Variants in NOL4L observed in about 807,000 individuals in gnomAD.
NOL4L encodes nucleolar protein 4 like.
Under a neutral mutation model 64.5 loss-of-function variants are expected in NOL4L, and 7 were observed. The observed-to-expected ratio is 0.11, with a 90% CI of 0.06 to 0.20. The LOEUF (loss-of-function observed/expected upper bound fraction) is 0.20. NOL4L is among the 10% of genes least tolerant of loss of function. NOL4L has a pLI of 1.00. For missense variants in NOL4L, 680 were observed against 967.1 expected (o/e 0.70, Z 3.94); for synonymous variants, 413 against 401.0 (o/e 1.03, Z -0.36).
Position 32,501,313 on chromosome 20 carries a change from A to G in NOL4L, c.699+10034T>C, listed in dbSNP as rs538400017. Among the ~76,000 whole-genome samples the G allele has an allele frequency of 1.1e-4, 16 of 152,348 alleles. No individual in the cohort carries two copies. The East Asian group carries it at 2.7e-3, about 26-fold the overall frequency. On this transcript the variant is annotated intron_variant, in intron 4 of 10. Coordinates refer to ENST00000621426, the MANE Select transcript of NOL4L (RefSeq NM_001256798.2). ...AAATCCTACAAAATACACAACTAGTACTCTTCGAAACTGTCAAGGTTATCA... is the reference window on the plus strand; with the variant it reads ...AAATCCTACAAAATACACAACTAGTGCTCTTCGAAACTGTCAAGGTTATCA...
chr20:32,578,145 AGGGAG>A (rs1980241491), intron 1 of NOL4L, among the ~76,000 whole-genome samples: 4 of 45,228 alleles, frequency 8.8e-5, no homozygotes, highest in African/African-American at 4.3e-4. Flanking sequence ...GGAAGGAGGG[AGGGAG>A]GGAGGGAGGG....
intron 1 of NOL4L, among the ~76,000 whole-genome samples, chr20:32,546,252 T>C (rs1267603734): frequency 2.6e-5 from 4 of 151,876 alleles, no homozygotes; most frequent in South Asian, 2.1e-4. Context: ...AGCTTTTTTT[T>C]CCTTTTTTTG....
chr20:32,505,266 A>C (rs1028943438), intron 4 of NOL4L, among the ~76,000 whole-genome samples: 2 of 152,224 alleles, frequency 1.3e-5, no homozygotes, highest in Non-Finnish European at 2.9e-5. Context: ...AGGGTTCATA[A>C]GAAAGAGAAA....
chr20:32,543,496 G>A (rs1188183059), intron 1 of NOL4L, among the ~76,000 whole-genome samples: 1 of 152,144 alleles, frequency 6.6e-6, no homozygotes, highest in South Asian at 2.1e-4. Context: ...GTGGGCACCT[G>A]TAATCTCAGC....
chr20:32,558,712 T>C (rs765804503), intron 1 of NOL4L, among the ~76,000 whole-genome samples: 77 of 152,186 alleles, frequency 5.1e-4, no homozygotes, highest in Non-Finnish European at 9.8e-4. Context: ...GGGTCAGCGG[T>C]GCTGGGCCTG....
intron 5 of NOL4L, among the ~76,000 whole-genome samples, chr20:32,461,067 T>C (rs1336335686): frequency 1.3e-5 from 2 of 152,194 alleles, no homozygotes; most frequent in African/African-American, 4.8e-5. Flanking sequence ...TGAAGCCTCA[T>C]GAACCAACAG....
At chr20:32,454,006 TGCAGAGACCTGGTTCCCGGGGCTGCTGA>T (rs2013213441) in intron 6 of NOL4L, 1 of 524,696 alleles carries the variant, frequency 1.9e-6, no homozygotes, top group Non-Finnish European at 3.4e-6. Context: ...CAATAGTGTA[TGCAGAGACCTGGTTCCCGGGGCTGCTGA>T]GCGCTTAGGA....
At position 32,463,477 on chromosome 20, in the gene NOL4L, C is replaced by T. The variant is rs2014271891; in HGVS notation, c.842-7082G>A. ...CGGGATGCACCCCCTCTCAGCATTT[C>T]CACAAAACCAGGCCCTCCCCACTGT... On this transcript the variant is annotated intron_variant, in intron 5 of 10. Transcript: ENST00000621426. This position sits in a 1 kb window ranked among gnomAD's most constrained non-coding sequence, Gnocchi z 5.8. 6.6e-6 allele frequency among the ~76,000 whole-genome samples: 1 copy of T among 152,192 alleles called. No homozygotes were observed. The highest frequency in any genetic ancestry group is 2.4e-5 in the African/African-American group (1 of 41,452).
chr20:32,454,148 C>T (rs1411649172), intron 6 of NOL4L: 2 of 200,206 alleles, frequency 1.0e-5, no homozygotes, highest in Admixed American at 5.2e-5. Flanking sequence ...AGCCTCCTCT[C>T]GTGCCAAGAT....
At chr20:32,488,869 TTC>T (rs1428420983) in intron 4 of NOL4L, among the ~76,000 whole-genome samples, 1 of 106,216 alleles carries the variant, frequency 9.4e-6, no homozygotes, top group African/African-American at 5.2e-5. Flanking sequence ...CTTTCTTTCT[TTC>T]TTTCTTTCTT....
chr20:32,513,620 T>C (rs1225655309), intron 3 of NOL4L, among the ~76,000 whole-genome samples: 1 of 152,138 alleles, frequency 6.6e-6, no homozygotes, highest in Non-Finnish European at 1.5e-5. Flanking sequence ...CCCAGCACTT[T>C]GGGAGGCAGA....
At chr20:32,488,750 C>T (rs1477925026) in intron 4 of NOL4L, among the ~76,000 whole-genome samples, 2 of 42,774 alleles carry the variant, frequency 4.7e-5, no homozygotes, top group African/African-American at 3.2e-4. Flanking sequence ...TCTTTCTTTT[C>T]CTTCCTTCCT....
At chr20:32,510,989 G>C (rs1231518734) in intron 4 of NOL4L, among the ~76,000 whole-genome samples, 1 of 152,102 alleles carries the variant, frequency 6.6e-6, no homozygotes, top group Non-Finnish European at 1.5e-5. Flanking sequence ...TTGCCTCCCT[G>C]GGGGAAGGTG....
In NOL4L at chr20:32,473,586, C is replaced by T. The variant is rs531265400; in HGVS notation, c.841+1015G>A. ...GACTGGGTCTCCTCCCAAACAAAGC[C>T]GGATTCAGGCCTTCGGGAGGCAGGC... On this transcript the variant is annotated intron_variant, in intron 5 of 10. Coordinates refer to ENST00000621426, the MANE Select transcript of NOL4L (RefSeq NM_001256798.2). Among the ~76,000 whole-genome samples, 19 of 152,366 alleles carry T rather than the reference C, an allele frequency of 1.2e-4. No homozygotes were observed. The South Asian group carries it at 3.3e-3, about 27-fold the overall frequency.
At chr20:32,527,215 C>A (rs2018164757) in intron 2 of NOL4L, among the ~76,000 whole-genome samples, 2 of 152,094 alleles carry the variant, frequency 1.3e-5, no homozygotes, top group Non-Finnish European at 2.9e-5. Context: ...TTTTTGCTCT[C>A]AGCCTCCCCA....
In NOL4L at chr20:32,447,112, G is replaced by C; in HGVS notation, c.*484C>G. The stretch of plus-strand genomic sequence containing the variant: ...GGGGATACATCCTTCTGATCAGACA[G>C]ACACAGACTAGCAATCTGTACAAAC... On this transcript the variant is annotated 3_prime_UTR_variant, in exon 11 of 11. Coordinates refer to ENST00000621426, the MANE Select transcript of NOL4L (RefSeq NM_001256798.2). 2.4e-6 allele frequency: 1 copy of C among 411,288 alleles called. No individual in the cohort carries two copies. Among genetic ancestry groups the C allele is most frequent in the Non-Finnish European group, 4.8e-6 (1 of 206,562 alleles). The allele number at this position is 411,288 out of a possible 1,614,324, so 25.5% of individuals were successfully genotyped here. A position where few individuals can be genotyped will look rare whatever the true frequency, so the allele number is the denominator to read the frequency against.
intron 1 of NOL4L, among the ~76,000 whole-genome samples, chr20:32,576,721 G>A (rs774639341): frequency 8.5e-5 from 13 of 152,158 alleles, no homozygotes; most frequent in South Asian, 6.2e-4. Context: ...CACGACTCCC[G>A]TCTGCTAGCC....
intron 5 of NOL4L, among the ~76,000 whole-genome samples, chr20:32,470,954 A>AG (rs2014966878): frequency 6.6e-6 from 1 of 152,198 alleles, no homozygotes; most frequent in African/African-American, 2.4e-5. Flanking sequence ...CCATGAGATG[A>AG]GGGCACTGTG....
At chr20:32,544,015 T>C (rs1241671841) in intron 1 of NOL4L, among the ~76,000 whole-genome samples, 1 of 151,670 alleles carries the variant, frequency 6.6e-6, no homozygotes, top group African/African-American at 2.4e-5. Flanking sequence ...GTGTGTAGGA[T>C]GGTGGGGAGG....
Sources: allele counts gnomAD v4.1 joint callset (sites outside exome capture counted in the v4.1 genomes callset), GRCh38; gene constraint gnomAD v4.1.1; non-coding constraint Gnocchi (gnomAD v3.1); transcripts MANE v1.5; gene names NCBI Gene and HGNC (gene_info 2026-07-23, HGNC 2026-07-21).